DLG2: variants seen among roughly 807,000 people sequenced by gnomAD.
DLG2 encodes discs large MAGUK scaffold protein 2.
A neutral mutation model predicts 132.5 loss-of-function variants in DLG2; 45 were observed. The ratio of observed to expected loss-of-function variants is 0.34; its 90% CI spans 0.27 to 0.44. The LOEUF (loss-of-function observed/expected upper bound fraction) is 0.44. Ranked by LOEUF, DLG2 falls within the 20% of genes least tolerant of loss-of-function variation. The pLI is 1.00. For synonymous variants in DLG2, 424 were observed against 419.6 expected, an observed-to-expected ratio of 1.01 and a Z score of -0.13; for missense variants, 1,045 against 1,196.9, an observed-to-expected ratio of 0.87 and a Z score of 1.87.
intron 6 of DLG2, among the ~76,000 whole-genome samples, chr11:84,900,703 G>A (rs964866021): frequency 6.6e-6 from 1 of 152,010 alleles, no homozygotes; most frequent in African/African-American, 2.4e-5. Flanking sequence ...AGAACTAAAT[G>A]AAATTAGCTC....
At chr11:85,600,258 T>C (rs918269214) in intron 2 of DLG2, among the ~76,000 whole-genome samples, 8 of 152,082 alleles carry the variant, frequency 5.3e-5, no homozygotes, top group African/African-American at 1.7e-4. Flanking sequence ...CTCAAGGAAA[T>C]TGTTCCATTA....
chr11:85,469,530 T>A (rs946067884), intron 3 of DLG2: 1 of 152,206 alleles, frequency 6.6e-6, no homozygotes, highest in Non-Finnish European at 1.5e-5. Flanking sequence ...TCTGGTATGA[T>A]CACAGAGGCA....
chr11:83,477,370 A>C (rs1044238426), intron 22 of DLG2, among the ~76,000 whole-genome samples: 2 of 152,148 alleles, frequency 1.3e-5, no homozygotes, highest in Non-Finnish European at 2.9e-5. Flanking sequence ...GACAATGTAC[A>C]CTTTATCAGC....
At chr11:84,037,870 T>C (rs1478718100) in intron 11 of DLG2, among the ~76,000 whole-genome samples, 27 of 152,130 alleles carry the variant, frequency 1.8e-4, no homozygotes, top group Admixed American at 1.8e-3. Context: ...TATTTTTATT[T>C]GTATGGGCAA....
intron 6 of DLG2, among the ~76,000 whole-genome samples, chr11:84,838,455 G>A (rs1344751267): frequency 6.6e-6 from 1 of 150,948 alleles, no homozygotes; most frequent in Admixed American, 6.6e-5. Context: ...AAAAATCACT[G>A]AAGTATTGGT....
intron 9 of DLG2, among the ~76,000 whole-genome samples, chr11:84,109,483 C>T (rs1302432457): frequency 1.3e-5 from 2 of 152,060 alleles, no homozygotes; most frequent in Non-Finnish European, 2.9e-5. Context: ...GCAAGGAGAG[C>T]AATATGGGAT....
intron 6 of DLG2, among the ~76,000 whole-genome samples, chr11:84,625,132 T>C (rs1216991698): frequency 2.0e-5 from 3 of 151,848 alleles, no homozygotes; most frequent in African/African-American, 7.3e-5. Flanking sequence ...AGTGCTGGGA[T>C]TACAGGCGTG....
At chr11:85,105,892 C>T (rs566436258) in intron 6 of DLG2, among the ~76,000 whole-genome samples, 1 of 151,312 alleles carries the variant, frequency 6.6e-6, no homozygotes, top group African/African-American at 2.4e-5. Context: ...GGGTTAGATG[C>T]TTCTGAGTGC....
At chr11:83,724,681 C>G (rs759422622) in intron 18 of DLG2, among the ~76,000 whole-genome samples, 3 of 152,074 alleles carry the variant, frequency 2.0e-5, no homozygotes, top group Non-Finnish European at 4.4e-5. Flanking sequence ...GACATGAAAA[C>G]AGAGCCACTG....
chr11:84,821,805 G>A (rs1380625459), intron 6 of DLG2, among the ~76,000 whole-genome samples: 1 of 151,720 alleles, frequency 6.6e-6, no homozygotes, highest in African/African-American at 2.4e-5. Context: ...CAAGATAAAT[G>A]ATTTGTCTTA....
intron 6 of DLG2, among the ~76,000 whole-genome samples, chr11:84,824,499 T>C (rs1233035464): frequency 6.6e-6 from 1 of 151,924 alleles, no homozygotes; most frequent in African/African-American, 2.4e-5. Flanking sequence ...GTTGGAGGTG[T>C]TGTATGCTCT....
chr11:83,833,091 T>C lies in DLG2; in HGVS notation c.1722+523A>G, dbSNP rs181041335. ...GAAGAAAACATTAGCACCTTCGCCT[T>C]TATTTGAGGGAAGTAAGTGCCACAA... On this transcript the variant is annotated intron_variant, in intron 17 of 27. Transcript: ENST00000376104. Among the ~76,000 whole-genome samples, 10 of 152,262 alleles carry C rather than the reference T, an allele frequency of 6.6e-5. No homozygotes were observed. The East Asian group carries it at 1.7e-3, about 26-fold the overall frequency.
chr11:85,603,419 C>T (rs954393294), intron 2 of DLG2, among the ~76,000 whole-genome samples: 30 of 152,102 alleles, frequency 2.0e-4, no homozygotes, highest in African/African-American at 7.0e-4. Context: ...GCTCTAATCA[C>T]GTGATTACCT....
intron 15 of DLG2, among the ~76,000 whole-genome samples, chr11:83,901,274 T>C (rs1429219854): frequency 6.6e-6 from 1 of 152,096 alleles, no homozygotes; most frequent in African/African-American, 2.4e-5. Flanking sequence ...GTTAAGAATT[T>C]GGGGGTTGTT....
intron 3 of DLG2, among the ~76,000 whole-genome samples, chr11:85,507,670 T>A (rs920780660): frequency 4.6e-5 from 7 of 152,214 alleles, no homozygotes; most frequent in Non-Finnish European, 7.4e-5. Context: ...TTGGTGAATC[T>A]GACAATTATG....
At chr11:84,112,040 T>C (rs2093374956) in intron 9 of DLG2, among the ~76,000 whole-genome samples, 1 of 151,896 alleles carries the variant, frequency 6.6e-6, no homozygotes, top group Admixed American at 6.6e-5. Context: ...TGAGACAGAG[T>C]CTCACTCTGT....
intron 3 of DLG2, among the ~76,000 whole-genome samples, chr11:85,451,613 G>T (rs967740537): frequency 6.6e-6 from 1 of 152,048 alleles, no homozygotes; most frequent in Non-Finnish European, 1.5e-5. Flanking sequence ...ATTAAATAAG[G>T]ATAGTAAAAA....
chr11:85,111,101 G>A (rs2072658951), intron 6 of DLG2, among the ~76,000 whole-genome samples: 1 of 152,080 alleles, frequency 6.6e-6, no homozygotes, highest in Non-Finnish European at 1.5e-5. Context: ...TGCTACAATT[G>A]ATGCACTATT....
intron 11 of DLG2, among the ~76,000 whole-genome samples, chr11:83,981,464 G>A (rs1434453876): frequency 6.6e-6 from 1 of 152,014 alleles, no homozygotes; most frequent in African/African-American, 2.4e-5. Flanking sequence ...TAATTTTTGA[G>A]ATAGTCTCGC....
Sources: allele counts gnomAD v4.1 joint callset (sites outside exome capture counted in the v4.1 genomes callset), GRCh38; gene constraint gnomAD v4.1.1; transcripts MANE v1.5; gene names NCBI Gene and HGNC (gene_info 2026-07-23, HGNC 2026-07-21).